FBXL17: variants seen among roughly 807,000 people sequenced by gnomAD.
The protein encoded by FBXL17 is F-box and leucine rich repeat protein 17, also known as F-box/LRR-repeat protein 17.
A neutral mutation model predicts 66.2 loss-of-function variants in FBXL17; 22 were observed. The observed-to-expected ratio is 0.33, with a 90% CI of 0.24 to 0.47. The LOEUF (loss-of-function observed/expected upper bound fraction) is 0.47, where lower values mean the gene tolerates loss of function less well. Among genes scored for constraint, FBXL17 ranks in the 20% least tolerant of loss-of-function variants. The probability of loss-of-function intolerance (pLI) is 1.00; values close to 1 mark genes in which losing one functional copy is unlikely to be tolerated. For missense variants in FBXL17, 878 were observed against 948.2 expected, an observed-to-expected ratio of 0.93 and a Z score of 0.97; for synonymous variants, 474 against 400.5, an observed-to-expected ratio of 1.18 and a Z score of -2.19.
intron 7 of FBXL17, among the ~76,000 whole-genome samples, chr5:107,893,212 T>A (rs548436524): frequency 6.6e-6 from 1 of 152,148 alleles, no homozygotes; most frequent in South Asian, 2.1e-4. Context: ...GAGAAAACAG[T>A]TGAGGTGCAT....
chr5:108,187,021 T>C (rs1251830833), intron 5 of FBXL17, among the ~76,000 whole-genome samples: 2 of 152,152 alleles, frequency 1.3e-5, no homozygotes, highest in Non-Finnish European at 2.9e-5. Context: ...CTTGGTGATA[T>C]ATTATCAATG....
intron 5 of FBXL17, among the ~76,000 whole-genome samples, chr5:108,211,797 T>C (rs1043801744): frequency 1.3e-5 from 2 of 152,202 alleles, no homozygotes; most frequent in African/African-American, 4.8e-5. Context: ...ATCTGATGAT[T>C]ATGTGTCTTG....
chr5:108,127,944 G>C (rs916417746), intron 6 of FBXL17, among the ~76,000 whole-genome samples: 2 of 151,980 alleles, frequency 1.3e-5, no homozygotes, highest in Admixed American at 1.3e-4. Context: ...CTACATATCA[G>C]TTAACTATTA....
At chr5:108,317,511 T>G (rs1208996941) in intron 4 of FBXL17, among the ~76,000 whole-genome samples, 1 of 151,060 alleles carries the variant, frequency 6.6e-6, no homozygotes, top group African/African-American at 2.4e-5. Context: ...ACTGAAAAAT[T>G]TTTGGAGATT....
intron 7 of FBXL17, among the ~76,000 whole-genome samples, chr5:108,008,118 C>T (rs943007821): frequency 5.9e-5 from 9 of 152,072 alleles, no homozygotes; most frequent in African/African-American, 2.2e-4. Flanking sequence ...ACTAATAAAT[C>T]GTACACTGGT....
intron 6 of FBXL17, among the ~76,000 whole-genome samples, chr5:108,041,184 A>T (rs1458718110): frequency 1.3e-5 from 2 of 152,184 alleles, no homozygotes; most frequent in African/African-American, 4.8e-5. Context: ...CAGAAAATAC[A>T]TATTTGTAAA....
intron 8 of FBXL17, among the ~76,000 whole-genome samples, chr5:107,875,478 G>A (rs967510316): frequency 6.6e-6 from 1 of 152,094 alleles, no homozygotes; most frequent in Non-Finnish European, 1.5e-5. Flanking sequence ...AATATGCAGT[G>A]GTCAATTTTT....
At chr5:108,309,122 A>T (rs931021896) in intron 4 of FBXL17, among the ~76,000 whole-genome samples, 1 of 152,098 alleles carries the variant, frequency 6.6e-6, no homozygotes, top group African/African-American at 2.4e-5. Context: ...GGTCATATAG[A>T]CTATGATACA....
intron 7 of FBXL17, among the ~76,000 whole-genome samples, chr5:107,960,825 T>A (rs1751872351): frequency 1.3e-5 from 2 of 152,198 alleles, no homozygotes; most frequent in African/African-American, 4.8e-5. Context: ...TCATGCCAGG[T>A]ACTGTGCTGG....
intron 4 of FBXL17, among the ~76,000 whole-genome samples, chr5:108,320,299 T>C (rs988503454): frequency 6.6e-6 from 1 of 151,724 alleles, no homozygotes; most frequent in Non-Finnish European, 1.5e-5. Context: ...ATTCTTACTA[T>C]TTTTAAGGGA....
chr5:108,188,152 C>T (rs965574073), intron 5 of FBXL17, among the ~76,000 whole-genome samples: 1 of 151,860 alleles, frequency 6.6e-6, no homozygotes, highest in African/African-American at 2.4e-5. Context: ...GGTAAATTGC[C>T]AGGCAGTACT....
At chr5:107,886,516 AG>A (rs1404957722) in intron 7 of FBXL17, among the ~76,000 whole-genome samples, 1 of 152,122 alleles carries the variant, frequency 6.6e-6, no homozygotes, top group African/African-American at 2.4e-5. Flanking sequence ...GGCTGATTCC[AG>A]GACTGGAGCA....
chr5:108,344,505 G>T (rs1422146511), intron 4 of FBXL17, among the ~76,000 whole-genome samples: 2 of 151,916 alleles, frequency 1.3e-5, no homozygotes, highest in African/African-American at 4.8e-5. Context: ...GTAAAAAATA[G>T]GCCAAACACA....
chr5:107,964,646 C>G (rs1752048749), intron 7 of FBXL17, among the ~76,000 whole-genome samples: 1 of 152,066 alleles, frequency 6.6e-6, no homozygotes, highest in African/African-American at 2.4e-5. Context: ...ATAGCTTTAC[C>G]TTCAAGGCTA....
chr5:108,202,127 A>C (rs1753922269), intron 5 of FBXL17, among the ~76,000 whole-genome samples: 1 of 152,164 alleles, frequency 6.6e-6, no homozygotes, highest in Non-Finnish European at 1.5e-5. Flanking sequence ...TTTTATATTT[A>C]TATGTTTATG....
chr5:108,123,818 C>T (rs1333811149), intron 6 of FBXL17, among the ~76,000 whole-genome samples: 3 of 152,104 alleles, frequency 2.0e-5, no homozygotes, highest in Admixed American at 2.0e-4. Flanking sequence ...AAAAACTTAA[C>T]ATTCCTAAAT....
At chr5:107,872,193 C>A (rs947100010) in intron 8 of FBXL17, among the ~76,000 whole-genome samples, 3 of 152,164 alleles carry the variant, frequency 2.0e-5, no homozygotes, top group African/African-American at 2.4e-5. Context: ...ATGAACTGTA[C>A]ATAAATCAGG....
chr5:108,055,119 T>A (rs910255076), intron 6 of FBXL17, among the ~76,000 whole-genome samples: 3 of 151,960 alleles, frequency 2.0e-5, no homozygotes, highest in Non-Finnish European at 2.9e-5. Context: ...CAGAACGATA[T>A]GAATTTTTAA....
chr5:108,105,119 G>A (rs1355074526), intron 6 of FBXL17, among the ~76,000 whole-genome samples: 2 of 152,202 alleles, frequency 1.3e-5, no homozygotes, highest in African/African-American at 4.8e-5. Context: ...GGGATTACAG[G>A]CGTGAGCCAC....
Sources: gnomAD v4.1 joint callset for allele counts (sites outside exome capture counted in the v4.1 genomes callset) on GRCh38, gnomAD v4.1.1 for gene constraint, MANE v1.5 for transcripts, NCBI Gene and HGNC (gene_info 2026-07-23, HGNC 2026-07-21) for gene names.